The following CDC42BPB variants were observed in gnomAD, a reference collection of about 807,000 sequenced individuals.
CDC42BPB encodes the protein serine/threonine-protein kinase MRCK beta.
Under a neutral mutation model 214.9 loss-of-function variants are expected in CDC42BPB, and 37 were observed. The observed-to-expected ratio is 0.17, with a 90% CI of 0.13 to 0.23. The LOEUF is 0.23. CDC42BPB is among the 10% of genes least tolerant of loss of function. CDC42BPB has a pLI of 1.00. For synonymous variants in CDC42BPB, 931 were observed against 884.0 expected (o/e 1.05, Z -0.94); for missense variants, 1,694 against 2,227.0 (o/e 0.76, Z 4.82).
At chr14:102,941,596 T>C (rs1357617839) in intron 30 of CDC42BPB, 2 of 977,294 alleles carry the variant, frequency 2.0e-6, no homozygotes, top group Non-Finnish European at 2.4e-6. Context: ...GCCTGCCGAG[T>C]ATGTGGGGAT....
rs1005870746 is a variant in CDC42BPB, at chr14:103,041,550, C to T, written c.175+15449G>A. On this transcript the variant is annotated intron_variant, in intron 1 of 36. Transcript: ENST00000361246. ...CTCGTGGCCACATGGTTCAACCAGC[C>T]GGCCCGAAGATCCGCAGATGCAAGG... 4.8e-5 allele frequency: 64 copies of T among 1,343,276 alleles called. No homozygotes were observed. In the East Asian group the frequency reaches 1.2e-3, roughly 26 times the overall value. The allele number at this position is 1,343,276 out of a possible 1,614,324, so 83.2% of individuals were successfully genotyped here. A position where few individuals can be genotyped will look rare whatever the true frequency, so the allele number is the denominator to read the frequency against.
intron 1 of CDC42BPB, among the ~76,000 whole-genome samples, chr14:103,050,431 G>A (rs1307762794): frequency 6.6e-6 from 1 of 152,184 alleles, no homozygotes; most frequent in African/African-American, 2.4e-5. Context: ...CCTGAGTGGG[G>A]AGTGGGCTGG....
At chr14:103,011,601 T>C (rs1886163905) in intron 2 of CDC42BPB, among the ~76,000 whole-genome samples, 1 of 151,442 alleles carries the variant, frequency 6.6e-6, no homozygotes, top group Non-Finnish European at 1.5e-5. Flanking sequence ...AAAAATTAGC[T>C]AGGCACAGTG....
At position 102,954,627 on chromosome 14, in the gene CDC42BPB, G is replaced by C; in HGVS notation, c.2963C>G (p.Ser988Cys). 1 of 1,613,948 alleles carries C rather than the reference G, an allele frequency of 6.2e-7. No homozygotes were observed. The highest frequency in any genetic ancestry group is 2.2e-5 in the East Asian group (1 of 44,882). Reference sequence around the variant, plus strand: ...CTCCTGCTGCTCTGATGCAGCCACAGACATCGACGGGGACGCTTCTGGCTT... The same window carrying C: ...CTCCTGCTGCTCTGATGCAGCCACACACATCGACGGGGACGCTTCTGGCTT... ...APKPEASPSM[S>C]VAASEQQEDM... The change falls in exon 22 of 37, where the codon TCT becomes TGT. Residue 988 changes from serine (S) to cysteine (C), a missense_variant. Physicochemically the swap from Ser to Cys is moderately radical, Grantham distance 112. Transcript: ENST00000361246.
At chr14:102,985,593 A>C (rs1230101471) in intron 6 of CDC42BPB, among the ~76,000 whole-genome samples, 1 of 152,224 alleles carries the variant, frequency 6.6e-6, no homozygotes, top group Non-Finnish European at 1.5e-5. Context: ...GTGGAATGAA[A>C]ATGAGCAAAC....
intron 36 of CDC42BPB, among the ~76,000 whole-genome samples, chr14:102,937,835 C>A (rs961107823): frequency 1.3e-5 from 2 of 152,210 alleles, no homozygotes; most frequent in African/African-American, 4.8e-5. Flanking sequence ...GGCAGGTTGG[C>A]GGGAAAGCTT....
At chr14:102,945,316 G>A (rs886210893) in intron 29 of CDC42BPB, 11 of 469,574 alleles carry the variant, frequency 2.3e-5, no homozygotes, top group Admixed American at 9.4e-5. Context: ...GCCCTTCCTC[G>A]CTGGGAAGAC....
intron 25 of CDC42BPB, 128 bp from the exon 26 acceptor site, chr14:102,950,032 T>C: frequency 6.6e-7 from 1 of 1,505,700 alleles, no homozygotes; most frequent in Non-Finnish European, 8.8e-7. Flanking sequence ...AGAGGGATGT[T>C]TGCCCAAGAA....
chr14:102,979,901 C>A (rs1893923375), intron 8 of CDC42BPB, among the ~76,000 whole-genome samples: 1 of 152,174 alleles, frequency 6.6e-6, no homozygotes, highest in Admixed American at 6.5e-5. Flanking sequence ...TGGAACCCAA[C>A]TCGGAAAATC....
chr14:102,959,916 TA>T, intron 20 of CDC42BPB: 1 of 881,944 alleles, frequency 1.1e-6, no homozygotes, highest in Non-Finnish European at 1.4e-6. Flanking sequence ...CTTGAAAAAG[TA>T]ACCAAGGGAC....
intron 20 of CDC42BPB, among the ~76,000 whole-genome samples, chr14:102,961,238 C>T (rs970615185): frequency 6.6e-5 from 10 of 152,182 alleles, no homozygotes; most frequent in African/African-American, 2.2e-4. Context: ...ATGAGGGAAT[C>T]CCTCCAACAA....
intron 23 of CDC42BPB, 131 bp downstream of exon 23, chr14:102,954,067 G>A (rs1414445653): frequency 4.4e-6 from 3 of 686,414 alleles, no homozygotes; most frequent in Non-Finnish European, 7.8e-6. Flanking sequence ...AGAACATGAG[G>A]GTCGCTACTG....
intron 13 of CDC42BPB, among the ~76,000 whole-genome samples, chr14:102,971,591 C>T (rs1473377889): frequency 6.6e-6 from 1 of 152,236 alleles, no homozygotes; most frequent in Non-Finnish European, 1.5e-5. Context: ...GTGCCCGGCC[C>T]GTGATTTGCC....
chr14:103,010,109 C>T (rs993625211), intron 2 of CDC42BPB, among the ~76,000 whole-genome samples: 2 of 152,120 alleles, frequency 1.3e-5, no homozygotes, highest in African/African-American at 4.8e-5. Flanking sequence ...AACATAGTGA[C>T]ACCCCATTTC....
At chr14:102,948,619 G>C (rs1254865830) in intron 26 of CDC42BPB, among the ~76,000 whole-genome samples, 1 of 71,378 alleles carries the variant, frequency 1.4e-5, no homozygotes, top group East Asian at 5.6e-4. Flanking sequence ...AGGTGGGGGG[G>C]TGGCTGTGGA....
intron 1 of CDC42BPB, among the ~76,000 whole-genome samples, chr14:103,022,814 T>C (rs1886844668): frequency 6.6e-6 from 1 of 152,146 alleles, no homozygotes; most frequent in Admixed American, 6.6e-5. Flanking sequence ...AGCCAATTCC[T>C]TGAAACGAAC....
intron 1 of CDC42BPB, among the ~76,000 whole-genome samples, chr14:103,041,186 G>A (rs1887968860): frequency 6.6e-6 from 1 of 152,194 alleles, no homozygotes; most frequent in South Asian, 2.1e-4. Context: ...AAAGAATATA[G>A]TCTGTTCGAC....
At chr14:103,031,250 T>C (rs926727429) in intron 1 of CDC42BPB, among the ~76,000 whole-genome samples, 1 of 152,018 alleles carries the variant, frequency 6.6e-6, no homozygotes, top group African/African-American at 2.4e-5. Context: ...GTAAACGCAG[T>C]AATAAACAGG....
chr14:102,990,254 A>G (rs931108858), intron 5 of CDC42BPB, among the ~76,000 whole-genome samples: 3 of 152,234 alleles, frequency 2.0e-5, no homozygotes, highest in African/African-American at 7.2e-5. Flanking sequence ...AAACAAAACA[A>G]AACAAAACAA....
Sources: allele counts gnomAD v4.1 joint callset (sites outside exome capture counted in the v4.1 genomes callset), GRCh38; gene constraint gnomAD v4.1.1; transcripts MANE v1.5; gene names NCBI Gene and HGNC (gene_info 2026-07-23, HGNC 2026-07-21).